Variants in KIAA0040 observed in about 807,000 individuals in gnomAD.
KIAA0040 encodes uncharacterized protein KIAA0040.
Under a neutral mutation model 7.2 loss-of-function variants are expected in KIAA0040, and 10 were observed. The ratio of observed to expected loss-of-function variants is 1.38; its 90% CI spans 0.85 to 2.34. The LOEUF (loss-of-function observed/expected upper bound fraction) is 2.34. KIAA0040 is among the 30% of genes most tolerant of loss of function. KIAA0040 has a pLI of 0.00. For missense variants in KIAA0040, 89 were observed against 108.2 expected (o/e 0.82, Z 0.79); for synonymous variants, 49 against 40.1 (o/e 1.22, Z -0.84).
intron 2 of KIAA0040, among the ~76,000 whole-genome samples, chr1:175,170,251 G>C (rs918958914): frequency 3.9e-5 from 6 of 152,150 alleles, no homozygotes; most frequent in African/African-American, 1.4e-4. Context: ...AAGTAAAGCA[G>C]GGCTTGAGCT....
At chr1:175,165,243 A>G (rs536030990) in intron 3 of KIAA0040, among the ~76,000 whole-genome samples, 1 of 152,280 alleles carries the variant, frequency 6.6e-6, no homozygotes, top group South Asian at 2.1e-4. Context: ...CCTGGTTTTG[A>G]GCCTTGGGTC....
intron 2 of KIAA0040, among the ~76,000 whole-genome samples, chr1:175,170,962 C>A (rs1022532709): frequency 1.3e-5 from 2 of 152,192 alleles, no homozygotes; most frequent in Non-Finnish European, 2.9e-5. Context: ...TCCTTCTGGA[C>A]CTTGTCTGGT....
At chr1:175,179,761 G>C (rs1677363822) in intron 1 of KIAA0040, among the ~76,000 whole-genome samples, 1 of 152,180 alleles carries the variant, frequency 6.6e-6, no homozygotes, top group Non-Finnish European at 1.5e-5. Context: ...ATTTGTAGAG[G>C]GGAGGGATTT....
chr1:175,176,669 C>CTTTTTTTTTTTTTTTTTTTTTTT lies in KIAA0040; in HGVS notation c.-310+919_-310+941dup, dbSNP rs34859478. 7.3e-5 allele frequency among the ~76,000 whole-genome samples: 2 copies of CTTTTTTTTTTTTTTTTTTTTTTT among 27,466 alleles called. 1 individual carries two copies. The highest frequency in any genetic ancestry group is 1.6e-4 in the Non-Finnish European group (2 of 12,254). The allele number at this position is 27,466 out of a possible 152,430, so 18.0% of individuals were successfully genotyped here. ...ATCCAGTGTCAGGTTAAGTAGCATG[C>CTTTTTTTTTTTTTTTTTTTTTTT]TTTTTTTTTTTTTTTTTTTTTTTTT... On this transcript the variant is annotated intron_variant, in intron 2 of 3. Transcript: ENST00000423313.
At chr1:175,163,052 C>G (rs1191654697) in intron 3 of KIAA0040, among the ~76,000 whole-genome samples, 1 of 152,166 alleles carries the variant, frequency 6.6e-6, no homozygotes, top group African/African-American at 2.4e-5. Flanking sequence ...GAGGCTCAGG[C>G]CACACGGTGA....
chr1:175,182,963 C>A (rs1356078513), intron 1 of KIAA0040, among the ~76,000 whole-genome samples: 1 of 152,144 alleles, frequency 6.6e-6, no homozygotes, highest in East Asian at 1.9e-4. Context: ...AGTGATGAAT[C>A]CTGTGTGCAT....
chr1:175,161,896 C>T (rs771728048), intron 3 of KIAA0040, among the ~76,000 whole-genome samples: 1 of 152,210 alleles, frequency 6.6e-6, no homozygotes, highest in Admixed American at 6.5e-5. Context: ...TCTATGTTTT[C>T]TATTCCTTGA....
intron 2 of KIAA0040, among the ~76,000 whole-genome samples, chr1:175,174,072 G>A (rs537673585): frequency 3.5e-5 from 5 of 144,304 alleles, no homozygotes; most frequent in East Asian, 2.2e-4. Flanking sequence ...ACCCAGTCCT[G>A]TTCACCCACC....
intron 1 of KIAA0040, among the ~76,000 whole-genome samples, chr1:175,180,246 T>G (rs1405442791): frequency 6.6e-6 from 1 of 152,228 alleles, no homozygotes; most frequent in Non-Finnish European, 1.5e-5. Context: ...TCTTCCTTTC[T>G]AGATGGAATC....
chr1:175,188,006 A>G (rs1425636160), intron 1 of KIAA0040, among the ~76,000 whole-genome samples: 1 of 152,238 alleles, frequency 6.6e-6, no homozygotes, highest in Non-Finnish European at 1.5e-5. Flanking sequence ...CATCGGGAGA[A>G]AGCTATAGTC....
At position 175,161,105 on chromosome 1, in the gene KIAA0040, T is replaced by C. The variant is rs1360854368; in HGVS notation, c.-92A>G. On this transcript the variant is annotated 5_prime_UTR_variant, in exon 4 of 4. Coordinates refer to ENST00000423313, the MANE Select transcript of KIAA0040 (RefSeq NM_014656.3). The stretch of plus-strand genomic sequence containing the variant: ...TGCAACCTTGACCACTTGTAATTTA[T>C]TCCTCTTCCAGCTTTGGGTTTGGGC... 2 of 1,232,328 alleles carry C rather than the reference T, an allele frequency of 1.6e-6. No homozygotes were observed. Among genetic ancestry groups the C allele is most frequent in the African/African-American group, 1.5e-5 (1 of 65,206 alleles). 76.3% of individuals were successfully genotyped at this position (1,232,328 alleles called of 1,614,324 possible).
chr1:175,173,000 T>TCAG (rs1677045960), intron 2 of KIAA0040, among the ~76,000 whole-genome samples: 1 of 152,254 alleles, frequency 6.6e-6, no homozygotes, highest in African/African-American at 2.4e-5. Context: ...TAGAGTTTGA[T>TCAG]CAGCTTTTCA....
chr1:175,178,961 G>A (rs968758640), intron 1 of KIAA0040, among the ~76,000 whole-genome samples: 2 of 99,668 alleles, frequency 2.0e-5, no homozygotes, highest in Admixed American at 8.8e-5. Context: ...ATCAGAGTGG[G>A]GGACGGGGCG....
intron 2 of KIAA0040, among the ~76,000 whole-genome samples, chr1:175,171,929 A>T (rs778489711): frequency 1.3e-5 from 2 of 152,246 alleles, no homozygotes; most frequent in Non-Finnish European, 2.9e-5. Context: ...GAGGTAAAAG[A>T]CATCCTCTCT....
intron 2 of KIAA0040, among the ~76,000 whole-genome samples, chr1:175,169,279 T>A (rs925423228): frequency 3.3e-5 from 5 of 152,058 alleles, no homozygotes; most frequent in Non-Finnish European, 7.4e-5. Context: ...CAAAGAGGGG[T>A]TTACCTTAGT....
chr1:175,157,105 A>G lies in KIAA0040; in HGVS notation c.*3609T>C, dbSNP rs1676301247. 1 of 152,134 alleles carries G rather than the reference A, an allele frequency of 6.6e-6. No homozygotes were observed. The highest frequency in any genetic ancestry group is 6.5e-5 in the Admixed American group (1 of 15,272). 9.4% of individuals were successfully genotyped at this position (152,134 alleles called of 1,614,324 possible). A position where few individuals can be genotyped will look rare whatever the true frequency, so the allele number is the denominator to read the frequency against. ...CACACACTTACACACACACATACAC[A>G]CAGTTTTTGCCCTAGTGGCTACTAT... is the stretch of plus-strand genomic sequence containing the variant. On this transcript the variant is annotated 3_prime_UTR_variant, in exon 4 of 4. Transcript: ENST00000423313.
In KIAA0040 at chr1:175,157,301, GC is replaced by G. The variant is rs1485880869; in HGVS notation, c.*3412del. On this transcript the variant is annotated 3_prime_UTR_variant, in exon 4 of 4. Coordinates refer to ENST00000423313, the MANE Select transcript of KIAA0040 (RefSeq NM_014656.3). ...GGAACATCAGTATATTTTTCCTGTA[GC>G]TGGCACCTTTGAGGGAGTCTGGTCT... 6.6e-6 allele frequency: 1 copy of G among 152,196 alleles called. No individual in the cohort carries two copies. The highest frequency in any genetic ancestry group is 1.5e-5 in the Non-Finnish European group (1 of 68,036). 9.4% of individuals were successfully genotyped at this position (152,196 alleles called of 1,614,324 possible). A position where few individuals can be genotyped will look rare whatever the true frequency, so the allele number is the denominator to read the frequency against.
Position 175,177,305 on chromosome 1 carries a change from G to A in KIAA0040, c.-310+306C>T, listed in dbSNP as rs1362116896. Among the ~76,000 whole-genome samples, 7 of 152,348 alleles carry A rather than the reference G, an allele frequency of 4.6e-5. No individual in the cohort carries two copies. In the South Asian group the frequency reaches 1.4e-3, roughly 32 times the overall value. On this transcript the variant is annotated intron_variant, in intron 2 of 3. Coordinates refer to ENST00000423313, the MANE Select transcript of KIAA0040 (RefSeq NM_014656.3). ...CACATTAGGTGGGAATGCTTTGATA[G>A]AGCAAGACATTCTGAATGTTAGACC...
chr1:175,173,132 G>A (rs540909865), intron 2 of KIAA0040, among the ~76,000 whole-genome samples: 2 of 151,910 alleles, frequency 1.3e-5, no homozygotes, highest in Admixed American at 6.6e-5. Context: ...TCCCTCTCTC[G>A]GCCCTCCTGA....
Sources: gnomAD v4.1 joint callset for allele counts (sites outside exome capture counted in the v4.1 genomes callset) on GRCh38, gnomAD v4.1.1 for gene constraint, MANE v1.5 for transcripts, NCBI Gene and HGNC (gene_info 2026-07-23, HGNC 2026-07-21) for gene names.